The following GPM6B variants were observed in gnomAD, a reference collection of about 807,000 sequenced individuals.
GPM6B encodes the protein glycoprotein M6B.
A neutral mutation model predicts 27.2 loss-of-function variants in GPM6B; 4 were observed. The ratio of observed to expected loss-of-function variants is 0.15; its 90% CI spans 0.07 to 0.34. The LOEUF (loss-of-function observed/expected upper bound fraction) is 0.34. GPM6B is among the 10% of genes least tolerant of loss of function. The pLI, the probability that GPM6B is intolerant of heterozygous loss-of-function variation, is 1.00. For missense variants in GPM6B, 183 were observed against 261.9 expected (o/e 0.70, Z 2.08); for synonymous variants, 124 against 103.1 (o/e 1.20, Z -1.23).
intron 1 of GPM6B, among the ~76,000 whole-genome samples, chrX:13,854,808 A>G (rs779497936): frequency 1.8e-5 from 2 of 112,179 alleles, no homozygotes; most frequent in South Asian, 7.4e-4. Flanking sequence ...AAAAGCTTTA[A>G]AAAACCTAAA....
chrX:13,803,831 GAAGC>G (rs1482677816), intron 2 of GPM6B, among the ~76,000 whole-genome samples: 1 of 111,621 alleles, frequency 9.0e-6, no homozygotes, highest in Non-Finnish European at 1.9e-5. Flanking sequence ...GCAGGTAAGA[GAAGC>G]AAGGTCACTG....
At chrX:13,895,658 T>C (rs1408257084) in intron 1 of GPM6B, among the ~76,000 whole-genome samples, 1 of 111,851 alleles carries the variant, frequency 8.9e-6, no homozygotes, top group Non-Finnish European at 1.9e-5. Context: ...ATAATGAATG[T>C]TAGAACATCA....
chrX:13,864,846 AC>A (rs2049891465), intron 1 of GPM6B, among the ~76,000 whole-genome samples: 1 of 111,493 alleles, frequency 9.0e-6, no homozygotes, highest in Non-Finnish European at 1.9e-5. Context: ...ACATTCCAAG[AC>A]CCCCAGTGGA....
At position 13,840,309 on chromosome X, in the gene GPM6B, C is replaced by T. The variant is rs749975938; in HGVS notation, c.-197-54501G>A. ...TTCTGTAACCCCTGCCTCCAGCCAC[C>T]CACCTACAGCAATCTAAGCTGCTCT... is the stretch of plus-strand genomic sequence containing the variant. On this transcript the variant is annotated intron_variant, in intron 1 of 6. Coordinates refer to the GPM6B transcript ENST00000398361. Among the ~76,000 whole-genome samples, 114 of 110,624 alleles carry T rather than the reference C, an allele frequency of 1.0e-3. 2 individuals are homozygous for T. Among genetic ancestry groups the T allele is most frequent in the African/African-American group, 3.7e-3 (111 of 30,349 alleles).
intron 1 of GPM6B, among the ~76,000 whole-genome samples, chrX:13,932,736 T>C (rs6654096): frequency 0.41 from 45,821 of 110,851 alleles, 7,216 homozygotes; most frequent in Non-Finnish European, 0.47. Context: ...GCCTTTTAAT[T>C]CTCAGGGCAA....
At chrX:13,937,095 T>C (rs1049097179) in intron 1 of GPM6B, among the ~76,000 whole-genome samples, 90 of 111,539 alleles carry the variant, frequency 8.1e-4, no homozygotes, top group African/African-American at 2.8e-3. Flanking sequence ...GGAGGTTGAA[T>C]GGTTTGACTG....
At chrX:13,897,462 TTTAAA>T (rs1249872396) in intron 1 of GPM6B, among the ~76,000 whole-genome samples, 11 of 111,994 alleles carry the variant, frequency 9.8e-5, no homozygotes, top group Admixed American at 4.7e-4. Context: ...TTGCTACTGT[TTTAAA>T]TTATTCATAT....
chrX:13,901,437 TAAA>T (rs35083510), intron 1 of GPM6B, among the ~76,000 whole-genome samples: 9 of 104,343 alleles, frequency 8.6e-5, no homozygotes, highest in South Asian at 8.8e-4. Context: ...TTTTTTTTTT[TAAA>T]AAAAAAGGAC....
chrX:13,795,203 C>G (rs1336634611), intron 2 of GPM6B, among the ~76,000 whole-genome samples: 1 of 111,918 alleles, frequency 8.9e-6, no homozygotes, highest in Non-Finnish European at 1.9e-5. Flanking sequence ...CTCAGAGAAC[C>G]AATATTTTCC....
chrX:13,898,248 C>A (rs770884823), intron 1 of GPM6B, among the ~76,000 whole-genome samples: 2 of 111,974 alleles, frequency 1.8e-5, no homozygotes, highest in Non-Finnish European at 3.8e-5. Flanking sequence ...TGGCCTCCAC[C>A]CACTAGATGT....
At chrX:13,789,603 G>A (rs1476675996) in intron 2 of GPM6B, among the ~76,000 whole-genome samples, 1 of 110,497 alleles carries the variant, frequency 9.1e-6, no homozygotes, top group Non-Finnish European at 1.9e-5. Context: ...GTGAAACCCC[G>A]TCTCTACTAA....
chrX:13,808,870 T>A (rs768709171), intron 1 of GPM6B, among the ~76,000 whole-genome samples: 2 of 112,114 alleles, frequency 1.8e-5, no homozygotes, highest in South Asian at 7.5e-4. Context: ...GTATTTCAAG[T>A]TTGGAAGCAG....
chrX:13,824,553 A>G (rs919257870), intron 1 of GPM6B, among the ~76,000 whole-genome samples: 1 of 111,908 alleles, frequency 8.9e-6, no homozygotes, highest in African/African-American at 3.3e-5. Context: ...GAGCTGTTTT[A>G]GGAAAATTGT....
chrX:13,901,907 G>A (rs1463093798), intron 1 of GPM6B, among the ~76,000 whole-genome samples: 1 of 111,847 alleles, frequency 8.9e-6, no homozygotes, highest in Non-Finnish European at 1.9e-5. Flanking sequence ...GACCTCTAAT[G>A]TTGTTTTATT....
At chrX:13,900,144 A>G (rs973577311) in intron 1 of GPM6B, among the ~76,000 whole-genome samples, 3 of 111,755 alleles carry the variant, frequency 2.7e-5, no homozygotes, top group Admixed American at 9.5e-5. Context: ...GTGGTCCTAA[A>G]AATCATCACT....
chrX:13,818,763 T>C (rs2049275942), upstream of GPM6B, among the ~76,000 whole-genome samples: 2 of 112,594 alleles, frequency 1.8e-5, no homozygotes, highest in East Asian at 2.8e-4. Flanking sequence ...TGTGTCCGGA[T>C]AGGACAGTCT....
intron 1 of GPM6B, among the ~76,000 whole-genome samples, chrX:13,823,396 C>T (rs756367176): frequency 8.9e-6 from 1 of 112,288 alleles, no homozygotes; most frequent in African/African-American, 3.2e-5. Flanking sequence ...GTTTATTTAA[C>T]GACTGTCAGT....
chrX:13,774,313 G>C, intron 7 of GPM6B: 2 of 956,959 alleles, frequency 2.1e-6, no homozygotes, highest in South Asian at 4.0e-5. Context: ...GCTCACCACT[G>C]TCAGTAAATA....
chrX:13,898,834 C>T (rs1206887056), intron 1 of GPM6B, among the ~76,000 whole-genome samples: 1 of 111,544 alleles, frequency 9.0e-6, no homozygotes, highest in Non-Finnish European at 1.9e-5. Flanking sequence ...GTCATCCTGT[C>T]GGGCTCATCA....
Sources: gnomAD v4.1 joint callset for allele counts (sites outside exome capture counted in the v4.1 genomes callset) on GRCh38, gnomAD v4.1.1 for gene constraint, MANE v1.5 for transcripts, NCBI Gene and HGNC (gene_info 2026-07-23, HGNC 2026-07-21) for gene names.